Variants in HK1 observed in about 807,000 individuals in gnomAD.
The protein encoded by HK1 is hexokinase 1.
A neutral mutation model predicts 91.6 loss-of-function variants in HK1; 28 were observed. That is an observed-to-expected ratio of 0.31 (90% CI 0.23 to 0.42). The LOEUF is 0.42. HK1 is among the 10% of genes least tolerant of loss of function. The pLI, the probability that HK1 is intolerant of heterozygous loss-of-function variation, is 1.00. For missense variants in HK1, 770 were observed against 1,219.8 expected (o/e 0.63, Z 5.49); for synonymous variants, 430 against 468.1 (o/e 0.92, Z 1.05).
intron 1 of HK1, among the ~76,000 whole-genome samples, chr10:69,330,039 C>A (rs772296535): frequency 3.8e-4 from 58 of 152,328 alleles, no homozygotes; most frequent in Non-Finnish European, 7.6e-4. Flanking sequence ...CAATGCTTAA[C>A]CTGCATGAAA....
chr10:69,343,968 A>C lies in HK1; in HGVS notation c.205A>C (p.Arg69=). The C allele has an allele frequency of 1.9e-6, 3 of 1,614,204 alleles. No individual in the cohort carries two copies. The highest frequency in any genetic ancestry group is 2.5e-6 in the Non-Finnish European group (3 of 1,180,020). The part of the protein sequence containing the change: ...ATVKMLPTFV[R]SIPDGSEKGD... ...AGTCAAGATGTTGCCAACATTCGTA[A>C]GGTCCATTCCTGATGGCTCTGGTAA... The change falls in exon 2 of 18, where the codon AGG becomes CGG. Residue 69 remains arginine (R), a synonymous_variant. Transcript: ENST00000359426.
chr10:69,354,963 G>A (rs567979634), intron 2 of HK1, among the ~76,000 whole-genome samples: 20 of 151,646 alleles, frequency 1.3e-4, no homozygotes, highest in African/African-American at 4.1e-4. Flanking sequence ...TAGGTACTCG[G>A]GAGGCTGAGG....
chr10:69,356,106 A>G (rs936251016), intron 2 of HK1, among the ~76,000 whole-genome samples: 4 of 152,180 alleles, frequency 2.6e-5, no homozygotes, highest in Non-Finnish European at 5.9e-5. Flanking sequence ...AAAAGCACAA[A>G]CAATAAAAGA....
intron 5 of HK1, among the ~76,000 whole-genome samples, chr10:69,302,028 C>T (rs537897782): frequency 1.4e-3 from 212 of 152,156 alleles, no homozygotes; most frequent in Middle Eastern, 6.8e-3. Flanking sequence ...GGTGGATCAC[C>T]TGAGGTCAGG....
chr10:69,283,798 C>CAAAAAAAAAAAAAA (rs571297748), intron 2 of HK1, among the ~76,000 whole-genome samples: 4 of 67,526 alleles, frequency 5.9e-5, no homozygotes, highest in African/African-American at 1.3e-4. Context: ...GACTCTGTCT[C>CAAAAAAAAAAAAAA]AAAAAAAAAA....
At chr10:69,385,218 T>C (rs953345234) in intron 12 of HK1, among the ~76,000 whole-genome samples, 3 of 152,112 alleles carry the variant, frequency 2.0e-5, no homozygotes, top group East Asian at 3.8e-4. Flanking sequence ...TAACACTTCT[T>C]ACACAGTTAG....
chr10:69,401,450 G>T lies in HK1; in HGVS notation c.*315G>T. On this transcript the variant is annotated 3_prime_UTR_variant, in exon 18 of 18. Coordinates refer to ENST00000359426, the MANE Select transcript of HK1 (RefSeq NM_000188.3). ...CATTCATCCAACAGAGTTATTTATT[G>T]GCTGGAGATGGAAAATCACACCACC... 2.3e-6 allele frequency: 1 copy of T among 429,620 alleles called. No homozygotes were observed. Among genetic ancestry groups the T allele is most frequent in the African/African-American group, 2.0e-5 (1 of 49,486 alleles). 26.6% of individuals were successfully genotyped at this position (429,620 alleles called of 1,614,324 possible).
upstream of HK1, among the ~76,000 whole-genome samples, chr10:69,317,498 G>C (rs1180260630): frequency 2.0e-5 from 3 of 152,172 alleles, no homozygotes; most frequent in African/African-American, 7.2e-5. Flanking sequence ...CTGTACCTTT[G>C]CTAGGCCTGG....
intron 10 of HK1, among the ~76,000 whole-genome samples, chr10:69,383,538 A>T (rs1169161495): frequency 1.3e-5 from 2 of 152,278 alleles, no homozygotes; most frequent in East Asian, 3.8e-4. Context: ...TTAGTGGCTT[A>T]AAACAACCAC....
At position 69,322,877 on chromosome 10, in the gene HK1, C is replaced by T. The variant is rs182261842; in HGVS notation, c.63+3867C>T. ...TGCACTCCAGCCTAGGCAACGAGAG[C>T]GAAACTCCGTCTCAAAAAAAAAAAA... On this transcript the variant is annotated intron_variant, in intron 1 of 17. Coordinates refer to ENST00000359426, the MANE Select transcript of HK1 (RefSeq NM_000188.3). Among the ~76,000 whole-genome samples the T allele has an allele frequency of 2.3e-3, 327 of 142,072 alleles. 1 individual carries two copies. The highest frequency in any genetic ancestry group is 8.0e-3 in the African/African-American group (307 of 38,138). The allele number at this position is 142,072 out of a possible 152,430, so 93.2% of individuals were successfully genotyped here.
intron 2 of HK1, among the ~76,000 whole-genome samples, chr10:69,353,108 G>C (rs926848274): frequency 6.6e-6 from 1 of 152,216 alleles, no homozygotes; most frequent in East Asian, 1.9e-4. Context: ...TTTGTTCCTT[G>C]GTGGGACCCT....
intron 2 of HK1, among the ~76,000 whole-genome samples, chr10:69,346,706 T>C (rs1428235974): frequency 6.6e-6 from 1 of 151,956 alleles, no homozygotes; most frequent in Non-Finnish European, 1.5e-5. Flanking sequence ...CAATAATCTG[T>C]ATATCATTAA....
At chr10:69,301,573 CAAAAAAA>C (rs3086649) in intron 5 of HK1, among the ~76,000 whole-genome samples, 1 of 80,766 alleles carries the variant, frequency 1.2e-5, no homozygotes, top group East Asian at 3.3e-4. Context: ...GACTCTGTCT[CAAAAAAA>C]AAAAAAAAAA....
intron 1 of HK1, among the ~76,000 whole-genome samples, chr10:69,280,025 G>A (rs1844657936): frequency 6.6e-6 from 1 of 152,226 alleles, no homozygotes; most frequent in African/African-American, 2.4e-5. Context: ...AAGGATGAAA[G>A]GATTGACCTG....
chr10:69,365,008 A>G (rs1849628963), intron 4 of HK1, 106 bp downstream of exon 4: 1 of 1,254,790 alleles, frequency 8.0e-7, no homozygotes, highest in Non-Finnish European at 1.2e-6. Context: ...AATGGTTTGC[A>G]TGTCTGGTAT....
At chr10:69,320,773 G>T (rs1381850370) in intron 1 of HK1, among the ~76,000 whole-genome samples, 2 of 152,172 alleles carry the variant, frequency 1.3e-5, no homozygotes, top group Non-Finnish European at 2.9e-5. Context: ...TTGGCTGCCG[G>T]TGGCCTCCAG....
intron 14 of HK1, among the ~76,000 whole-genome samples, chr10:69,391,192 A>G (rs554469262): frequency 6.6e-6 from 1 of 152,388 alleles, no homozygotes; most frequent in African/African-American, 2.4e-5. Flanking sequence ...CTGATCTTCA[A>G]AGGTCTGATA....
At chr10:69,277,898 T>C (rs1844548230) in intron 1 of HK1, among the ~76,000 whole-genome samples, 1 of 152,096 alleles carries the variant, frequency 6.6e-6, no homozygotes, top group South Asian at 2.1e-4. Context: ...CTGGGCGTGG[T>C]GGCAGGCGCC....
chr10:69,280,887 T>C (rs867755885), intron 1 of HK1, among the ~76,000 whole-genome samples: 2 of 152,258 alleles, frequency 1.3e-5, no homozygotes, highest in African/African-American at 4.8e-5. Flanking sequence ...TCAAATAATA[T>C]GCTTTTACCT....
Sources: gnomAD v4.1 joint callset for allele counts (sites outside exome capture counted in the v4.1 genomes callset) on GRCh38, gnomAD v4.1.1 for gene constraint, MANE v1.5 for transcripts, NCBI Gene and HGNC (gene_info 2026-07-23, HGNC 2026-07-21) for gene names.